Variants in TRIP13 observed in about 807,000 individuals in gnomAD.
The protein encoded by TRIP13 is thyroid hormone receptor interactor 13.
Under a neutral mutation model 54.4 loss-of-function variants are expected in TRIP13, and 25 were observed. The observed-to-expected ratio is 0.46, with a 90% CI of 0.33 to 0.64. The LOEUF (loss-of-function observed/expected upper bound fraction) is 0.64, where lower values mean the gene tolerates loss of function less well. TRIP13 is among the 30% of genes least tolerant of loss of function. The pLI is 0.02. For synonymous variants in TRIP13, 207 were observed against 207.8 expected (o/e 1.00, Z 0.03); for missense variants, 373 against 534.2 (o/e 0.70, Z 2.97).
At chr5:893,337 T>A (rs116511572) in intron 1 of TRIP13, among the ~76,000 whole-genome samples, 7,693 of 151,606 alleles carry the variant, frequency 0.051, 219 homozygotes, top group African/African-American at 0.065. Context: ...AGCTCACAGA[T>A]TGAGCCCCGA....
intron 2 of TRIP13, 61 bp downstream of exon 2, chr5:895,013 A>G: frequency 6.6e-7 from 1 of 1,515,624 alleles, no homozygotes. Flanking sequence ...TTGTATCATG[A>G]ATGTCTTGCC....
rs1754245345 is a variant in TRIP13 at position 912,058 on chromosome 5, A to C, written c.1020+62A>C. 4.5e-6 allele frequency: 7 copies of C among 1,553,788 alleles called. No homozygotes were observed. The East Asian group carries it at 1.6e-4, about 35-fold the overall frequency. On this transcript the variant is annotated intron_variant, in intron 10 of 12. Coordinates refer to ENST00000166345, the MANE Select transcript of TRIP13 (RefSeq NM_004237.4). This position sits in a 1 kb window ranked among gnomAD's most constrained non-coding sequence, Gnocchi z 7.2. Reference sequence around the variant, plus strand: ...ATTTCTTATATGTTCTTAATTAATTAAGATAGCTTAAAATAAGCTCGTTCC... The same window carrying C: ...ATTTCTTATATGTTCTTAATTAATTCAGATAGCTTAAAATAAGCTCGTTCC...
rs774885514 is a variant in TRIP13, at chr5:901,385, C to T, written c.489C>T (p.Asn163=). The change falls in exon 5 of 13, where the codon AAC becomes AAT. Residue 163 remains asparagine, a synonymous_variant. Transcript: ENST00000166345. ...VMTTLLFSDK[N]VNSNLITWNR... is the part of the protein sequence containing the mutation. Reference sequence around the variant, plus strand: ...CAACTTTACTGTTTTCAGACAAGAACGTCAACAGCAACCTCATCACCTGGA... The same window carrying T: ...CAACTTTACTGTTTTCAGACAAGAATGTCAACAGCAACCTCATCACCTGGA... 8 of 1,614,154 alleles carry T rather than the reference C, an allele frequency of 5.0e-6. No individual in the cohort carries two copies. The South Asian group carries it at 6.6e-5, about 13-fold the overall frequency.
chr5:895,847 T>C (rs1753901456), intron 2 of TRIP13, among the ~76,000 whole-genome samples: 1 of 152,234 alleles, frequency 6.6e-6, no homozygotes, highest in Admixed American at 6.5e-5. Context: ...TAGATGCTGT[T>C]AATAATAGCC....
Position 900,565 on chromosome 5 carries a change from T to G in TRIP13, c.444+16T>G. ...CAAATCCCATGTAAGTTGCTGTGCCTTTTCCCAGAATGCCCTGTTATTTGA... is the reference window on the plus strand; with the variant it reads ...CAAATCCCATGTAAGTTGCTGTGCCGTTTCCCAGAATGCCCTGTTATTTGA... On this transcript the variant is annotated intron_variant, in intron 4 of 12. Coordinates refer to ENST00000166345, the MANE Select transcript of TRIP13 (RefSeq NM_004237.4). 2 of 1,606,958 alleles carry G rather than the reference T, an allele frequency of 1.2e-6. No individual in the cohort carries two copies. The highest frequency in any genetic ancestry group is 1.7e-6 in the Non-Finnish European group (2 of 1,177,352).
rs1754134707 is a variant in TRIP13, at chr5:907,268, C to T, written c.672+75C>T. 1 of 1,293,754 alleles carries T rather than the reference C, an allele frequency of 7.7e-7. No individual in the cohort carries two copies. Among genetic ancestry groups the T allele is most frequent in the Non-Finnish European group, 1.1e-6 (1 of 903,096 alleles). 80.1% of individuals were successfully genotyped at this position (1,293,754 alleles called of 1,614,324 possible). A position where few individuals can be genotyped will look rare whatever the true frequency, so the allele number is the denominator to read the frequency against. Reference sequence around the variant, plus strand: ...ATGTCTTGTATGTTAGGCAAATCCTCCTCCAGAAGCTTCAGGAGAGAACTG... The same window carrying T: ...ATGTCTTGTATGTTAGGCAAATCCTTCTCCAGAAGCTTCAGGAGAGAACTG... On this transcript the variant is annotated intron_variant, in intron 7 of 12. Coordinates refer to ENST00000166345, the MANE Select transcript of TRIP13 (RefSeq NM_004237.4). This position sits in a 1 kb window ranked among gnomAD's most constrained non-coding sequence, Gnocchi z 4.1.
rs780110484 is a variant in TRIP13 at position 915,339 on chromosome 5, C to G, written c.1134-565C>G. Among the ~76,000 whole-genome samples the G allele has an allele frequency of 5.3e-5, 8 of 152,212 alleles. No individual in the cohort carries two copies. The highest frequency in any genetic ancestry group is 1.0e-4 in the Non-Finnish European group (7 of 68,042). ...GCATCGTGCCTTACGCCTGGTGCTC[C>G]CAGGCAGGTGATGCCTTCCCTGAGC... is the stretch of plus-strand genomic sequence containing the variant. On this transcript the variant is annotated intron_variant, in intron 11 of 12. Coordinates refer to ENST00000166345, the MANE Select transcript of TRIP13 (RefSeq NM_004237.4). The surrounding 1 kb of genome is among the most constrained non-coding windows in gnomAD (Gnocchi z 4.2).
chr5:907,026 G>A lies in TRIP13; in HGVS notation c.609-104G>A, dbSNP rs1754128826. The A allele has an allele frequency of 8.1e-6, 7 of 863,014 alleles. No homozygotes were observed. The highest frequency in any genetic ancestry group is 2.9e-5 in the South Asian group (2 of 68,492). The allele number at this position is 863,014 out of a possible 1,614,324, so 53.5% of individuals were successfully genotyped here. ...CTTTGTCAGTAATTGTAATTCCCCC[G>A]ATGCTGGGCACTTGAGATGTTGCAT... On this transcript the variant is annotated intron_variant, in intron 6 of 12. Transcript: ENST00000166345. The surrounding 1 kb of genome is among the most constrained non-coding windows in gnomAD (Gnocchi z 4.1).
In TRIP13 at chr5:916,992, AC is replaced by A; in HGVS notation, c.1204-14del. 6.2e-7 allele frequency: 1 copy of A among 1,611,982 alleles called. No individual in the cohort carries two copies. The highest frequency in any genetic ancestry group is 8.5e-7 in the Non-Finnish European group (1 of 1,179,180). On this transcript the variant is annotated splice_polypyrimidine_tract_variant and intron_variant, in intron 12 of 12. Transcript: ENST00000166345. ...CGTGAGTTGAGCCCCTCCAGCAATG[AC>A]CGTGTACCTTCTAGGCCCCCACCGT...
At chr5:916,372 T>C (rs1562212) in intron 12 of TRIP13, among the ~76,000 whole-genome samples, 25,276 of 152,182 alleles carry the variant, frequency 0.17, 4,596 homozygotes, top group African/African-American at 0.46. Context: ...TGCTTCGGCC[T>C]GGGGCACTCA....
chr5:914,437 C>A, intron 10 of TRIP13, 28 bp from the exon 11 acceptor site: 3 of 1,574,372 alleles, frequency 1.9e-6, no homozygotes, highest in Non-Finnish European at 8.7e-7. Flanking sequence ...GTGGACTCAG[C>A]TAACCGCCTG....
intron 9 of TRIP13, among the ~76,000 whole-genome samples, chr5:910,326 G>A (rs139482991): frequency 3.3e-5 from 5 of 152,240 alleles, no homozygotes; most frequent in East Asian, 1.9e-4. Context: ...GCGTCTCTCC[G>A]CAGGGAGGGG....
At chr5:904,782 A>G (rs538304891) in intron 6 of TRIP13, among the ~76,000 whole-genome samples, 15 of 152,014 alleles carry the variant, frequency 9.9e-5, no homozygotes, top group African/African-American at 3.6e-4. Flanking sequence ...TTTTAATTCC[A>G]TTCAGTGAAG....
At chr5:896,502 T>C (rs1274398790) in intron 2 of TRIP13, among the ~76,000 whole-genome samples, 163 bp from the exon 3 acceptor site, 2 of 152,194 alleles carry the variant, frequency 1.3e-5, no homozygotes, top group African/African-American at 4.8e-5. Context: ...GAGCCAATCC[T>C]CAATCTGAAA....
chr5:915,168 A>AT lies in TRIP13; in HGVS notation c.1133+597dup, dbSNP rs1394315192. Reference sequence around the variant, plus strand: ...CAAGGGATAACATGAAGAATGTAGTATTTTTTAAGGATTTGGATTATCTGT... The same window carrying AT: ...CAAGGGATAACATGAAGAATGTAGTATTTTTTTAAGGATTTGGATTATCTGT... On this transcript the variant is annotated intron_variant, in intron 11 of 12. Coordinates refer to ENST00000166345, the MANE Select transcript of TRIP13 (RefSeq NM_004237.4). The surrounding 1 kb of genome is among the most constrained non-coding windows in gnomAD (Gnocchi z 4.2). Among the ~76,000 whole-genome samples, 3 of 152,342 alleles carry AT rather than the reference A, an allele frequency of 2.0e-5. No homozygotes were observed. Among genetic ancestry groups the AT allele is most frequent in the African/African-American group, 7.2e-5 (3 of 41,576 alleles).
At position 911,135 on chromosome 5, in the gene TRIP13, C is replaced by T. The variant is rs570841952; in HGVS notation, c.867-708C>T. Among the ~76,000 whole-genome samples, 6 of 152,308 alleles carry T rather than the reference C, an allele frequency of 3.9e-5. No homozygotes were observed. In the East Asian group the frequency reaches 5.8e-4, roughly 15 times the overall value. On this transcript the variant is annotated intron_variant, in intron 9 of 12. Transcript: ENST00000166345. This position sits in a 1 kb window ranked among gnomAD's most constrained non-coding sequence, Gnocchi z 4.7. ...AGGGGCTCTCTCTATGGAGTTTAGA[C>T]GCTAGAGGGGAGAGCAGATCATGAA...
Position 908,200 on chromosome 5 carries a change from CTG to C in TRIP13, c.759+129_759+130del. On this transcript the variant is annotated intron_variant, in intron 8 of 12. Coordinates refer to ENST00000166345, the MANE Select transcript of TRIP13 (RefSeq NM_004237.4). The surrounding 1 kb of genome is among the most constrained non-coding windows in gnomAD (Gnocchi z 5.2). ...GGGCTGCCCTCTATCCCTCCCTGCA[CTG>C]TGCGCCTTTCCACCTTGCCGCAGCA... 4 of 1,375,572 alleles carry C rather than the reference CTG, an allele frequency of 2.9e-6. No individual in the cohort carries two copies. Among genetic ancestry groups the C allele is most frequent in the Non-Finnish European group, 3.1e-6 (3 of 975,164 alleles). The allele number at this position is 1,375,572 out of a possible 1,614,324, so 85.2% of individuals were successfully genotyped here. A position where few individuals can be genotyped will look rare whatever the true frequency, so the allele number is the denominator to read the frequency against.
At chr5:904,329 A>G in intron 6 of TRIP13, 109 bp downstream of exon 6, 2 of 839,400 alleles carry the variant, frequency 2.4e-6, no homozygotes, top group Non-Finnish European at 3.7e-6. Context: ...ATTCCTCTCC[A>G]CTGTAAGTCA....
chr5:903,147 G>T (rs1410517852), intron 5 of TRIP13, among the ~76,000 whole-genome samples: 1 of 152,046 alleles, frequency 6.6e-6, no homozygotes, highest in Non-Finnish European at 1.5e-5. Context: ...GGGGGAAAGG[G>T]AGACTCCCTT....
Sources: gnomAD v4.1 joint callset for allele counts (sites outside exome capture counted in the v4.1 genomes callset) on GRCh38, gnomAD v4.1.1 for gene constraint, Gnocchi (gnomAD v3.1) non-coding constraint, MANE v1.5 for transcripts, NCBI Gene and HGNC (gene_info 2026-07-23, HGNC 2026-07-21) for gene names.